H6PD: variants seen among roughly 807,000 people sequenced by gnomAD.
H6PD encodes the protein hexose-6-phosphate dehydrogenase/glucose 1-dehydrogenase.
A neutral mutation model predicts 61.2 loss-of-function variants in H6PD; 48 were observed. The ratio of observed to expected loss-of-function variants is 0.78; its 90% CI spans 0.62 to 1.00. H6PD has a LOEUF of 1.00. Among genes scored for constraint, H6PD ranks in the 50% least tolerant of loss-of-function variants. The pLI, the probability that H6PD is intolerant of heterozygous loss-of-function variation, is 0.00. For synonymous variants in H6PD, 480 were observed against 457.9 expected (o/e 1.05, Z -0.62); for missense variants, 1,093 against 1,065.0 (o/e 1.03, Z -0.37).
intron 2 of H6PD, among the ~76,000 whole-genome samples, chr1:9,246,611 A>C (rs1641182724): frequency 6.6e-6 from 1 of 152,134 alleles, no homozygotes; most frequent in African/African-American, 2.4e-5. Flanking sequence ...GGAGGTTTTC[A>C]CTTGTTTATG....
intron 1 of H6PD, among the ~76,000 whole-genome samples, chr1:9,240,404 G>C (rs1019712325): frequency 6.6e-6 from 1 of 152,154 alleles, no homozygotes; most frequent in African/African-American, 2.4e-5. Flanking sequence ...GAAAAGTGGA[G>C]GGCAGTTCCC....
chr1:9,236,662 T>C, intron 1 of H6PD, among the ~76,000 whole-genome samples: 1 of 145,248 alleles, frequency 6.9e-6, no homozygotes, highest in Non-Finnish European at 1.5e-5. Flanking sequence ...AAGCTAGACT[T>C]CTCCTTAAAA....
intron 1 of H6PD, among the ~76,000 whole-genome samples, chr1:9,244,137 G>A (rs949326006): frequency 2.0e-5 from 3 of 152,176 alleles, no homozygotes; most frequent in Admixed American, 2.0e-4. Context: ...CTTAGTGCCA[G>A]CACTAATCAT....
Position 9,262,317 on chromosome 1 carries a change from C to G in H6PD, c.1004C>G (p.Pro335Arg). ...CCAGACAGCTTCCACAGCCTGACGCCGACCTTCGCAGGTGGGCCCTGGGGC... is the reference window on the plus strand; with the variant it reads ...CCAGACAGCTTCCACAGCCTGACGCGGACCTTCGCAGGTGGGCCCTGGGGC... ...QKPDSFHSLT[P>R]TFAAVLVHID... The change falls in exon 4 of 5, where the codon CCG becomes CGG. Residue 335 changes from proline to arginine, a missense_variant. Transcript: ENST00000377403. The G allele has an allele frequency of 1.9e-6, 3 of 1,603,272 alleles. No individual in the cohort carries two copies. Among genetic ancestry groups the G allele is most frequent in the South Asian group, 1.1e-5 (1 of 89,364 alleles).
rs575148718 is a variant in H6PD at position 9,247,320 on chromosome 1, G to A, written c.745+237G>A. Among the ~76,000 whole-genome samples the A allele has an allele frequency of 4.3e-3, 654 of 152,294 alleles. 5 individuals are homozygous for A. Among genetic ancestry groups the A allele is most frequent in the African/African-American group, 0.015 (635 of 41,560 alleles). ...AGAGAAGTAGGCCTGGCACAGAGGC[G>A]GGAAACCACTGGCACGCGGTAGAGG... On this transcript the variant is annotated intron_variant, in intron 3 of 4. Coordinates refer to ENST00000377403, the MANE Select transcript of H6PD (RefSeq NM_004285.4).
rs148693050 is a variant in H6PD at position 9,263,545 on chromosome 1, G to A, written c.1052G>A (p.Gly351Asp). Residue 351 changes from glycine (G) to aspartate (D), a missense_variant, in exon 5 of 5, where the codon GGC (glycine) becomes GAC (aspartate). Coordinates refer to ENST00000377403, the MANE Select transcript of H6PD (RefSeq NM_004285.4). ...CACATTGACAACCTTCGCTGGGAGG[G>A]CGTGCCTTTCATCCTGATGTCTGGC... Reference protein sequence around the residue: ...LVHIDNLRWEGVPFILMSGKA... With the variant: ...LVHIDNLRWEDVPFILMSGKA... 9.9e-6 allele frequency: 16 copies of A among 1,614,076 alleles called. No homozygotes were observed. The highest frequency in any genetic ancestry group is 4.4e-5 in the South Asian group (4 of 91,094).
At chr1:9,238,341 G>T (rs556233268) in intron 1 of H6PD, among the ~76,000 whole-genome samples, 1 of 152,238 alleles carries the variant, frequency 6.6e-6, no homozygotes, top group Admixed American at 6.5e-5. Flanking sequence ...CAGAGGAATG[G>T]CATGATCCAG....
chr1:9,257,392 C>A (rs776866262), intron 3 of H6PD, among the ~76,000 whole-genome samples: 2 of 152,140 alleles, frequency 1.3e-5, no homozygotes, highest in African/African-American at 2.4e-5. Flanking sequence ...CTGCCTTGGC[C>A]TCCCAAAGTG....
chr1:9,262,079 G>C lies in H6PD; in HGVS notation c.766G>C (p.Glu256Gln), dbSNP rs1638325385. Residue 256 changes from glutamate (E) to glutamine (Q), a missense_variant, in exon 4 of 5, where the codon GAG becomes CAG. Transcript: ENST00000377403. ...ACCAGGCCGCACCAGCTTCTATGAGGAGTACGGTGTCATTCGCGACGTCCT... is the reference window on the plus strand; with the variant it reads ...ACCAGGCCGCACCAGCTTCTATGAGCAGTACGGTGTCATTCGCGACGTCCT... ...DAEGRTSFYE[E>Q]YGVIRDVLQN... 6.2e-7 allele frequency: 1 copy of C among 1,614,070 alleles called. No individual in the cohort carries two copies. The highest frequency in any genetic ancestry group is 8.5e-7 in the Non-Finnish European group (1 of 1,180,038).
chr1:9,249,925 G>C (rs747047505), intron 3 of H6PD, among the ~76,000 whole-genome samples: 6 of 152,222 alleles, frequency 3.9e-5, no homozygotes, highest in Non-Finnish European at 7.3e-5. Context: ...CTTGCTTGCT[G>C]CCTCTCTCAA....
Position 9,265,434 on chromosome 1 carries a change from A to G in H6PD, c.*565A>G. The G allele has an allele frequency of 5.4e-6, 1 of 185,104 alleles. No homozygotes were observed. The highest frequency in any genetic ancestry group is 1.2e-5 in the Non-Finnish European group (1 of 86,936). 11.5% of individuals were successfully genotyped at this position (185,104 alleles called of 1,614,324 possible). The stretch of plus-strand genomic sequence containing the variant: ...CTTCCCCAGCTGCCCCTCCTTCTAG[A>G]ACCTCTGCACATCTAGCCTCTGGCC... On this transcript the variant is annotated 3_prime_UTR_variant, in exon 5 of 5. Coordinates refer to ENST00000377403, the MANE Select transcript of H6PD (RefSeq NM_004285.4).
Position 9,262,114 on chromosome 1 carries a change from T to C in H6PD, c.801T>C (p.His267=). 3 of 1,614,190 alleles carry C rather than the reference T, an allele frequency of 1.9e-6. No individual in the cohort carries two copies. The highest frequency in any genetic ancestry group is 1.6e-4 in the Middle Eastern group (1 of 6,062). ...TCATTCGCGACGTCCTCCAGAACCA[T>C]CTGACGGAGGTCCTCACCCTCGTGG... ...YGVIRDVLQN[H]LTEVLTLVAM... is the part of the protein sequence containing the mutation. The change falls in exon 4 of 5, where the codon CAT becomes CAC. Residue 267 remains histidine (H), a synonymous_variant. Transcript: ENST00000377403.
intron 1 of H6PD, among the ~76,000 whole-genome samples, chr1:9,235,873 A>C (rs1013281096): frequency 6.6e-6 from 1 of 152,200 alleles, no homozygotes; most frequent in African/African-American, 2.4e-5. Flanking sequence ...AAGCCTTACG[A>C]AGTGTTGGGA....
chr1:9,238,399 A>G (rs571245848), intron 1 of H6PD, among the ~76,000 whole-genome samples: 8 of 152,354 alleles, frequency 5.3e-5, no homozygotes, highest in African/African-American at 1.9e-4. Context: ...AGGCTCAGCC[A>G]TAGAGGGTCC....
Position 9,245,138 on chromosome 1 carries a change from A to C in H6PD, c.204A>C (p.Thr68=), listed in dbSNP as rs1037438406. The change falls in exon 2 of 5, where the codon ACA becomes ACC. Residue 68 remains threonine (T), a synonymous_variant. Transcript: ENST00000377403. The surrounding 1 kb of genome is among the most constrained non-coding windows in gnomAD (Gnocchi z 4.8). ...TTAGCTTCCATGGAGCTGCTCTGAC[A>C]GCCCCCAAGCAGGGTCAAGAGCTCA... The part of the protein sequence containing the change: ...HSFSFHGAAL[T]APKQGQELMA... 1.1e-5 allele frequency: 17 copies of C among 1,614,222 alleles called. No homozygotes were observed. The highest frequency in any genetic ancestry group is 1.4e-5 in the Non-Finnish European group (16 of 1,180,026).
intron 1 of H6PD, among the ~76,000 whole-genome samples, chr1:9,235,885 TA>T (rs1388952226): frequency 5.3e-5 from 8 of 152,228 alleles, no homozygotes; most frequent in African/African-American, 1.9e-4. Context: ...GTGTTGGGAT[TA>T]CAGGTGTGAA....
Position 9,265,423 on chromosome 1 carries a change from C to T in H6PD, c.*554C>T, listed in dbSNP as rs1638523821. On this transcript the variant is annotated 3_prime_UTR_variant, in exon 5 of 5. Transcript: ENST00000377403. ...TCAAGCCCCTCCTTCCCCAGCTGCC[C>T]CTCCTTCTAGAACCTCTGCACATCT... is the stretch of plus-strand genomic sequence containing the variant. 5.4e-6 allele frequency: 1 copy of T among 184,950 alleles called. No individual in the cohort carries two copies. Among genetic ancestry groups the T allele is most frequent in the Admixed American group, 5.3e-5 (1 of 18,738 alleles). 11.5% of individuals were successfully genotyped at this position (184,950 alleles called of 1,614,324 possible). A position where few individuals can be genotyped will look rare whatever the true frequency, so the allele number is the denominator to read the frequency against.
At chr1:9,241,402 T>C (rs1463210457) in intron 1 of H6PD, among the ~76,000 whole-genome samples, 1 of 151,940 alleles carries the variant, frequency 6.6e-6, no homozygotes, top group Admixed American at 6.6e-5. Context: ...TATTTATTTA[T>C]TTTATTTATT....
rs371248791 is a variant in H6PD at position 9,247,103 on chromosome 1, C to A, written c.745+20C>A. The A allele has an allele frequency of 1.8e-5, 26 of 1,474,866 alleles. No homozygotes were observed. Among genetic ancestry groups the A allele is most frequent in the Non-Finnish European group, 2.4e-5 (25 of 1,052,574 alleles). The allele number at this position is 1,474,866 out of a possible 1,614,324, so 91.4% of individuals were successfully genotyped here. On this transcript the variant is annotated intron_variant, in intron 3 of 4. Transcript: ENST00000377403. ...CTGAAGGTGTGTGAGTGGCCCTGCG[C>A]ACTCGGTCCCCCAGCCTCTGCCTGC...
Sources: allele counts gnomAD v4.1 joint callset (sites outside exome capture counted in the v4.1 genomes callset), GRCh38; gene constraint gnomAD v4.1.1; non-coding constraint Gnocchi (gnomAD v3.1); transcripts MANE v1.5; gene names NCBI Gene and HGNC (gene_info 2026-07-23, HGNC 2026-07-21).